Variants in FGF14 observed in about 807,000 individuals in gnomAD.
FGF14 encodes fibroblast growth factor 14.
Under a neutral mutation model 25.5 loss-of-function variants are expected in FGF14, and 5 were observed. The observed-to-expected ratio is 0.20, with a 90% CI of 0.10 to 0.41. FGF14 has a LOEUF of 0.41. FGF14 is among the 10% of genes least tolerant of loss of function. The pLI, the probability that FGF14 is intolerant of heterozygous loss-of-function variation, is 1.00. For synonymous variants in FGF14, 138 were observed against 118.3 expected (o/e 1.17, Z -1.08); for missense variants, 222 against 320.1 (o/e 0.69, Z 2.34).
rs569142983 is a variant in FGF14 at position 102,389,694 on chromosome 13, G to A, written c.208+11777C>T. On this transcript the variant is annotated intron_variant, in intron 1 of 4. Transcript: ENST00000376131. ...TTTGCTAGAAGCCCCTTAAAAGATT[G>A]GGAATTTCCTGATATGGCTGCATTA... is the stretch of plus-strand genomic sequence containing the variant. 6.6e-5 allele frequency among the ~76,000 whole-genome samples: 10 copies of A among 152,264 alleles called. No homozygotes were observed. The South Asian group carries it at 2.1e-3, about 32-fold the overall frequency.
At chr13:102,316,400 T>C (rs2056025459) in intron 1 of FGF14, among the ~76,000 whole-genome samples, 1 of 152,220 alleles carries the variant, frequency 6.6e-6, no homozygotes, top group Non-Finnish European at 1.5e-5. Flanking sequence ...CGCCTGAATA[T>C]TTCTACATAG....
chr13:101,769,139 G>A (rs945209343), intron 3 of FGF14, among the ~76,000 whole-genome samples: 5 of 152,014 alleles, frequency 3.3e-5, no homozygotes, highest in African/African-American at 4.8e-5. Context: ...TTTAAAAATG[G>A]ACCAAAGACC....
At chr13:102,386,936 G>T (rs1051381904) in intron 1 of FGF14, among the ~76,000 whole-genome samples, 1 of 152,170 alleles carries the variant, frequency 6.6e-6, no homozygotes, top group Non-Finnish European at 1.5e-5. Context: ...CCACTAAAAT[G>T]ACAGAATTCA....
At chr13:102,166,315 CGTAAA>C (rs552579835) in intron 1 of FGF14, among the ~76,000 whole-genome samples, 26 of 151,516 alleles carry the variant, frequency 1.7e-4, no homozygotes, top group African/African-American at 4.1e-4. Flanking sequence ...TTATAAATTT[CGTAAA>C]GTAATCTATT....
At chr13:101,960,403 A>C (rs193036704) in intron 1 of FGF14, among the ~76,000 whole-genome samples, 13 of 152,172 alleles carry the variant, frequency 8.5e-5, no homozygotes, top group Non-Finnish European at 1.9e-4. Context: ...GTTCCTCTCC[A>C]TGTGTCCACA....
intron 1 of FGF14, among the ~76,000 whole-genome samples, chr13:102,151,236 T>C (rs538735749): frequency 6.6e-6 from 1 of 152,260 alleles, no homozygotes; most frequent in Admixed American, 6.5e-5. Flanking sequence ...ATGAGGTATA[T>C]GCCATGGAGA....
At chr13:102,269,413 G>C (rs2053142793) in intron 1 of FGF14, among the ~76,000 whole-genome samples, 1 of 150,240 alleles carries the variant, frequency 6.7e-6, no homozygotes, top group Non-Finnish European at 1.5e-5. Context: ...GGTGATAACT[G>C]TTTGTCATCT....
chr13:102,065,580 T>C (rs796682435), intron 1 of FGF14, among the ~76,000 whole-genome samples: 2 of 152,132 alleles, frequency 1.3e-5, no homozygotes, highest in South Asian at 2.1e-4. Flanking sequence ...AGCATACATA[T>C]AGTAGCCTTA....
chr13:101,797,772 T>TGTGTGC (rs34927828), intron 3 of FGF14, among the ~76,000 whole-genome samples: 16,234 of 145,544 alleles, frequency 0.11, 1,226 homozygotes, highest in East Asian at 0.23. Context: ...TGTGTGTGTG[T>TGTGTGC]GTGTGTGTGT....
At chr13:102,143,648 G>C (rs1248087677) in intron 1 of FGF14, among the ~76,000 whole-genome samples, 2 of 152,202 alleles carry the variant, frequency 1.3e-5, no homozygotes, top group Non-Finnish European at 2.9e-5. Context: ...CTGGATTTGA[G>C]AATCAGTTAT....
intron 1 of FGF14, among the ~76,000 whole-genome samples, chr13:101,933,886 T>C (rs116227094): frequency 1.2e-3 from 187 of 152,342 alleles, no homozygotes; most frequent in African/African-American, 4.4e-3. Context: ...TAATACTTTA[T>C]ATATGTGTGA....
At chr13:101,875,319 A>G in intron 1 of FGF14, 23 bp from the exon 2 acceptor site, 6 of 1,503,734 alleles carry the variant, frequency 4.0e-6, no homozygotes, top group Non-Finnish European at 5.6e-6. Flanking sequence ...CATAGTTATC[A>G]TAAGCCTCAC....
Position 102,312,669 on chromosome 13 carries a change from G to A in FGF14, c.208+88802C>T, listed in dbSNP as rs537493826. ...TAAAGGGATAGAGACATCAGTGATA[G>A]CCCTAGGAAAAATATAAGAATTAGA... On this transcript the variant is annotated intron_variant, in intron 1 of 4. Coordinates refer to the FGF14 transcript ENST00000376131. Among the ~76,000 whole-genome samples, 23 of 152,290 alleles carry A rather than the reference G, an allele frequency of 1.5e-4. No homozygotes were observed. In the South Asian group the frequency reaches 3.9e-3, roughly 26 times the overall value.
chr13:102,206,027 A>G (rs2049902758), intron 1 of FGF14, among the ~76,000 whole-genome samples: 1 of 122,950 alleles, frequency 8.1e-6, no homozygotes, highest in African/African-American at 3.4e-5. Context: ...AAAAAAAAAA[A>G]AAAAAAAGCA....
chr13:101,981,384 C>T (rs766935892), intron 1 of FGF14, among the ~76,000 whole-genome samples: 146 of 152,274 alleles, frequency 9.6e-4, no homozygotes, highest in African/African-American at 2.7e-3. Context: ...CAGGCTTTCA[C>T]CAAATACCAA....
At chr13:102,183,632 T>TTAACCTTTGC (rs1184575474) in intron 1 of FGF14, among the ~76,000 whole-genome samples, 1 of 152,180 alleles carries the variant, frequency 6.6e-6, no homozygotes, top group Non-Finnish European at 1.5e-5. Flanking sequence ...GAAGGTGCAC[T>TTAACCTTTGC]TAACCTTTGC....
intron 1 of FGF14, among the ~76,000 whole-genome samples, chr13:102,158,483 A>T (rs537248253): frequency 6.8e-6 from 1 of 146,308 alleles, no homozygotes; most frequent in South Asian, 2.4e-4. Context: ...GAACACATGG[A>T]CACAGGAAGG....
At chr13:102,162,938 G>A (rs140746528) in intron 1 of FGF14, among the ~76,000 whole-genome samples, 7 of 152,128 alleles carry the variant, frequency 4.6e-5, no homozygotes, top group African/African-American at 7.2e-5. Context: ...TAGTAGCACC[G>A]ACACTAAGGG....
At chr13:101,946,381 A>G (rs971528482) in intron 1 of FGF14, among the ~76,000 whole-genome samples, 27 of 152,008 alleles carry the variant, frequency 1.8e-4, no homozygotes, top group South Asian at 6.2e-4. Context: ...AAAAAAAAAA[A>G]AAAGAGGCTG....
Sources: gnomAD v4.1 joint callset for allele counts (sites outside exome capture counted in the v4.1 genomes callset) on GRCh38, gnomAD v4.1.1 for gene constraint, MANE v1.5 for transcripts, NCBI Gene and HGNC (gene_info 2026-07-23, HGNC 2026-07-21) for gene names.